The following PTK2B variants were observed in gnomAD, a reference collection of about 807,000 sequenced individuals.
PTK2B encodes protein tyrosine kinase 2 beta, also known as protein-tyrosine kinase 2-beta.
A neutral mutation model predicts 142.9 loss-of-function variants in PTK2B; 71 were observed. The observed-to-expected ratio is 0.50, with a 90% CI of 0.41 to 0.61. The LOEUF (loss-of-function observed/expected upper bound fraction) is 0.61. Among genes scored for constraint, PTK2B ranks in the 20% least tolerant of loss-of-function variants. PTK2B has a pLI of 0.00. For missense variants in PTK2B, 1,105 were observed against 1,320.4 expected, an observed-to-expected ratio of 0.84 and a Z score of 2.53; for synonymous variants, 519 against 503.4, an observed-to-expected ratio of 1.03 and a Z score of -0.42.
chr8:27,445,253 TA>T (rs893734293), intron 23 of PTK2B, among the ~76,000 whole-genome samples: 1 of 151,820 alleles, frequency 6.6e-6, no homozygotes, highest in Non-Finnish European at 1.5e-5. Flanking sequence ...ATTTTTTAAT[TA>T]AAAAAAATTC....
chr8:27,389,189 C>G (rs1490641388), intron 1 of PTK2B, among the ~76,000 whole-genome samples: 2 of 152,028 alleles, frequency 1.3e-5, no homozygotes, highest in South Asian at 2.1e-4. Flanking sequence ...GGACCTTCTT[C>G]CCTCTTCTGT....
chr8:27,340,423 G>A (rs1804327538), intron 1 of PTK2B, among the ~76,000 whole-genome samples: 1 of 152,200 alleles, frequency 6.6e-6, no homozygotes, highest in South Asian at 2.1e-4. Context: ...GAAGAAATGG[G>A]GCCTGTTTTG....
intron 2 of PTK2B, among the ~76,000 whole-genome samples, chr8:27,403,907 C>T (rs1808539505): frequency 6.6e-6 from 1 of 151,146 alleles, no homozygotes; most frequent in Admixed American, 6.6e-5. Context: ...TCCTCCTCCT[C>T]CTCTTCTTTC....
In PTK2B at chr8:27,442,922, A is replaced by G. The variant is rs1811243611; in HGVS notation, c.2087A>G (p.Asn696Ser). 2 of 1,614,022 alleles carry G rather than the reference A, an allele frequency of 1.2e-6. No individual in the cohort carries two copies. The highest frequency in any genetic ancestry group is 1.7e-6 in the Non-Finnish European group (2 of 1,179,996). Residue 696 changes from asparagine (N) to serine (S), a missense_variant, in exon 22 of 31, where the codon AAT (asparagine) becomes AGT (serine). Coordinates refer to ENST00000346049, the MANE Select transcript of PTK2B (RefSeq NM_173176.3). ...EKDIAMEQER[N>S]ARYRTPKILE... ...GACATTGCCATGGAGCAAGAGAGGA[A>G]TGCTCGCTACCGAACCCCCAAAATC...
At chr8:27,353,707 G>C (rs1353506255) in intron 1 of PTK2B, among the ~76,000 whole-genome samples, 1 of 152,164 alleles carries the variant, frequency 6.6e-6, no homozygotes, top group African/African-American at 2.4e-5. Context: ...GATTTCTACT[G>C]CTCAGCTGCA....
chr8:27,319,697 A>G (rs554405089), intron 3 of PTK2B, among the ~76,000 whole-genome samples: 1 of 151,672 alleles, frequency 6.6e-6, no homozygotes, highest in East Asian at 1.9e-4. Flanking sequence ...ATTAATGGTC[A>G]GTTATGAGCT....
intron 1 of PTK2B, among the ~76,000 whole-genome samples, chr8:27,333,261 C>T (rs376518964): frequency 9.2e-5 from 14 of 152,196 alleles, no homozygotes; most frequent in African/African-American, 1.9e-4. Context: ...GGGGGTGGAA[C>T]GGAAGATAAG....
At chr8:27,404,902 G>C (rs888524630) in intron 2 of PTK2B, among the ~76,000 whole-genome samples, 2 of 152,088 alleles carry the variant, frequency 1.3e-5, no homozygotes, top group African/African-American at 4.8e-5. Context: ...TGAAGGTAGG[G>C]GTATTGAAAG....
At chr8:27,318,293 A>T (rs1473058804) in intron 3 of PTK2B, among the ~76,000 whole-genome samples, 1 of 152,198 alleles carries the variant, frequency 6.6e-6, no homozygotes, top group East Asian at 1.9e-4. Context: ...GGCTGGGACC[A>T]GATCACCACG....
At position 27,430,274 on chromosome 8, in the gene PTK2B, C is replaced by G. The variant is rs1182883673; in HGVS notation, c.615-90C>G. 3 of 1,594,148 alleles carry G rather than the reference C, an allele frequency of 1.9e-6. No homozygotes were observed. The African/African-American group carries it at 4.0e-5, about 21-fold the overall frequency. ...GCCACATAGGGCCGTCTCTAGGTCC[C>G]AAAGCCCTCTCACCTCTTCCTGATT... On this transcript the variant is annotated intron_variant, in intron 6 of 30. Transcript: ENST00000346049.
intron 1 of PTK2B, among the ~76,000 whole-genome samples, chr8:27,378,649 G>A (rs955130168): frequency 7.4e-6 from 1 of 136,044 alleles, no homozygotes; most frequent in Non-Finnish European, 1.6e-5. Flanking sequence ...GTGTGTGTGT[G>A]TACACAAGGC....
intron 22 of PTK2B, among the ~76,000 whole-genome samples, chr8:27,443,671 T>G (rs1271517358): frequency 1.3e-5 from 2 of 152,186 alleles, no homozygotes; most frequent in Non-Finnish European, 1.5e-5. Flanking sequence ...AAACCTGCAC[T>G]TCCTTAATGC....
intron 1 of PTK2B, among the ~76,000 whole-genome samples, chr8:27,332,145 G>T (rs1803791222): frequency 6.6e-6 from 1 of 152,234 alleles, no homozygotes; most frequent in Non-Finnish European, 1.5e-5. Context: ...ACAGGCAGAA[G>T]CTCAGGCAGT....
At chr8:27,384,064 G>A (rs540250128) in intron 1 of PTK2B, among the ~76,000 whole-genome samples, 2 of 151,776 alleles carry the variant, frequency 1.3e-5, no homozygotes, top group African/African-American at 4.8e-5. Context: ...TGGTCAGGCT[G>A]ATCTCGAACT....
intron 1 of PTK2B, among the ~76,000 whole-genome samples, chr8:27,346,775 T>A (rs569743835): frequency 2.2e-4 from 33 of 152,322 alleles, no homozygotes; most frequent in Admixed American, 2.0e-3. Context: ...CTGTTGGGAA[T>A]GTTTCGTCCC....
At position 27,419,965 on chromosome 8, in the gene PTK2B, T is replaced by C; in HGVS notation, c.275T>C (p.Leu92Pro). ...PNIRLAECYG[L>P]RLKHMKSDEI... is the part of the protein sequence containing the mutation. ...ATCCGGTTGGCTGAGTGCTATGGGCTGAGGCTGAAGCACATGAAGTCCGAT... is the reference window on the plus strand; with the variant it reads ...ATCCGGTTGGCTGAGTGCTATGGGCCGAGGCTGAAGCACATGAAGTCCGAT... The change falls in exon 3 of 31, where the codon CTG (leucine) becomes CCG (proline). Residue 92 changes from leucine (L) to proline (P), a missense_variant. Transcript: ENST00000346049. 1 of 1,614,214 alleles carries C rather than the reference T, an allele frequency of 6.2e-7. No homozygotes were observed. Among genetic ancestry groups the C allele is most frequent in the Non-Finnish European group, 8.5e-7 (1 of 1,180,040 alleles).
chr8:27,375,695 C>T (rs150171837), intron 1 of PTK2B, among the ~76,000 whole-genome samples: 35 of 152,302 alleles, frequency 2.3e-4, no homozygotes, highest in African/African-American at 8.2e-4. Context: ...GTGTTCTTTC[C>T]CTGTCCCATG....
At chr8:27,339,223 G>A (rs1300052193) in intron 1 of PTK2B, among the ~76,000 whole-genome samples, 1 of 152,192 alleles carries the variant, frequency 6.6e-6, no homozygotes, top group African/African-American at 2.4e-5. Context: ...CACCAGAGTG[G>A]GACCTTTAGG....
At chr8:27,361,076 GT>G (rs1270276921) in intron 1 of PTK2B, among the ~76,000 whole-genome samples, 1 of 152,092 alleles carries the variant, frequency 6.6e-6, no homozygotes, top group Non-Finnish European at 1.5e-5. Context: ...CCCGAATACT[GT>G]TTATTGTACC....
Sources: allele counts gnomAD v4.1 joint callset (sites outside exome capture counted in the v4.1 genomes callset), GRCh38; gene constraint gnomAD v4.1.1; transcripts MANE v1.5; gene names NCBI Gene and HGNC (gene_info 2026-07-23, HGNC 2026-07-21).